Variants in TTC8 observed in about 807,000 individuals in gnomAD.
The protein encoded by TTC8 is tetratricopeptide repeat protein 8.
TTC8 carries 47 observed loss-of-function variants against 72.5 expected under a neutral mutation model. The ratio of observed to expected loss-of-function variants is 0.65; its 90% CI spans 0.51 to 0.83. The LOEUF (loss-of-function observed/expected upper bound fraction) is 0.83. TTC8 is among the 40% of genes least tolerant of loss of function. TTC8 has a pLI of 0.00. For synonymous variants in TTC8, 199 were observed against 221.4 expected, an observed-to-expected ratio of 0.90 and a Z score of 0.90; for missense variants, 611 against 623.2, an observed-to-expected ratio of 0.98 and a Z score of 0.21.
At chr14:88,840,054 C>T (rs543975182) in intron 3 of TTC8, 1 of 170,242 alleles carries the variant, frequency 5.9e-6, no homozygotes, top group South Asian at 1.4e-4. Flanking sequence ...TGCTCTAAAT[C>T]ATAATGTGAG....
At chr14:88,846,938 A>G (rs1304618203) in intron 7 of TTC8, 1 of 243,626 alleles carries the variant, frequency 4.1e-6, no homozygotes, top group Non-Finnish European at 7.8e-6. Context: ...CAGGGCTAGC[A>G]AACTTAGAAC....
rs777572586 is a variant in TTC8 at position 88,841,522 on chromosome 14, C to G, written c.579+8C>G. 6 of 1,600,900 alleles carry G rather than the reference C, an allele frequency of 3.7e-6. No individual in the cohort carries two copies. Among genetic ancestry groups the G allele is most frequent in the East Asian group, 2.2e-5 (1 of 44,708 alleles). Reference sequence around the variant, plus strand: ...AAACCTAAGTTGGCAAAGGTATGTACTTAAAATGATTTTGAGTTATGAAGT... The same window carrying G: ...AAACCTAAGTTGGCAAAGGTATGTAGTTAAAATGATTTTGAGTTATGAAGT... On this transcript the variant is annotated splice_region_variant and intron_variant, in intron 6 of 14. Coordinates refer to ENST00000380656, the MANE Select transcript of TTC8 (RefSeq NM_144596.4).
intron 7 of TTC8, among the ~76,000 whole-genome samples, chr14:88,847,719 G>A (rs1422394124): frequency 1.3e-5 from 2 of 152,142 alleles, no homozygotes; most frequent in South Asian, 4.1e-4. Context: ...ATGCATATGT[G>A]TAATCTCTAT....
chr14:88,854,272 G>A (rs1424924443), intron 8 of TTC8, among the ~76,000 whole-genome samples: 3 of 152,100 alleles, frequency 2.0e-5, no homozygotes, highest in Admixed American at 6.5e-5. Context: ...ATCCATATAC[G>A]ATGGCATTTA....
At chr14:88,852,595 C>T (rs371070651) in intron 7 of TTC8, among the ~76,000 whole-genome samples, 2 of 152,022 alleles carry the variant, frequency 1.3e-5, no homozygotes, top group African/African-American at 4.8e-5. Context: ...GCTTACACAC[C>T]GAAGACTTGA....
chr14:88,847,507 C>T (rs1459045280), intron 7 of TTC8, among the ~76,000 whole-genome samples: 1 of 152,028 alleles, frequency 6.6e-6, no homozygotes, highest in East Asian at 1.9e-4. Context: ...CTTAAAACAC[C>T]AAAACCAAGC....
intron 10 of TTC8, among the ~76,000 whole-genome samples, chr14:88,866,068 A>T: frequency 6.6e-6 from 1 of 152,288 alleles, no homozygotes; most frequent in East Asian, 1.9e-4. Flanking sequence ...TTAAAACTTC[A>T]AAAAATGATA....
chr14:88,861,045 C>A (rs1429778240), intron 9 of TTC8, among the ~76,000 whole-genome samples, 177 bp from the exon 10 acceptor site: 1 of 152,064 alleles, frequency 6.6e-6, no homozygotes, highest in Admixed American at 6.6e-5. Context: ...CTCAAGTGGT[C>A]CACCCACCTC....
chr14:88,824,532 C>T (rs1393496876), upstream of TTC8: 10 of 599,700 alleles, frequency 1.7e-5, no homozygotes, highest in Admixed American at 5.8e-5. Flanking sequence ...AGCCCTGTAG[C>T]CGAGTTCTGC....
At chr14:88,824,936 G>A in intron 1 of TTC8, 115 bp downstream of exon 1, 2 of 1,037,026 alleles carry the variant, frequency 1.9e-6, no homozygotes, top group East Asian at 2.6e-5. Flanking sequence ...GGGGCTGACC[G>A]TTCGGCCCTC....
downstream of TTC8, chr14:88,879,263 A>G (rs527862728): frequency 6.6e-6 from 1 of 152,276 alleles, no homozygotes; most frequent in South Asian, 2.1e-4. Flanking sequence ...TCTTTGTAAC[A>G]ACATTTCCTA....
chr14:88,864,845 C>A (rs753510132), intron 10 of TTC8, among the ~76,000 whole-genome samples: 1 of 152,150 alleles, frequency 6.6e-6, no homozygotes, highest in Non-Finnish European at 1.5e-5. Flanking sequence ...CAATAGATGT[C>A]CAGTTAATCA....
intron 10 of TTC8, among the ~76,000 whole-genome samples, chr14:88,869,336 A>G (rs2094923849): frequency 6.6e-6 from 1 of 152,118 alleles, no homozygotes; most frequent in African/African-American, 2.4e-5. Flanking sequence ...TTTTGTATGT[A>G]TTTCTAAGCT....
In TTC8 at chr14:88,857,200, T is replaced by C. The variant is rs1226667160; in HGVS notation, c.721T>C (p.Tyr241His). Residue 241 changes from tyrosine to histidine, a missense_variant, in exon 9 of 15, where the codon TAT (tyrosine) becomes CAT (histidine). Tyr to His is a moderately conservative substitution (Grantham distance 83). Coordinates refer to ENST00000380656, the MANE Select transcript of TTC8 (RefSeq NM_144596.4). ...IGKCYYRLGM[Y>H]REAEKQFKSA... Reference sequence around the variant, plus strand: ...AATTGCTATTTGTAGGTTGGGAATGTATCGTGAAGCAGAAAAACAGTTTAA... The same window carrying C: ...AATTGCTATTTGTAGGTTGGGAATGCATCGTGAAGCAGAAAAACAGTTTAA... 1 of 1,613,886 alleles carries C rather than the reference T, an allele frequency of 6.2e-7. No homozygotes were observed. The highest frequency in any genetic ancestry group is 1.1e-5 in the South Asian group (1 of 91,078).
intron 2 of TTC8, among the ~76,000 whole-genome samples, chr14:88,838,151 A>G (rs543520500): frequency 1.2e-4 from 18 of 152,304 alleles, no homozygotes; most frequent in African/African-American, 4.1e-4. Flanking sequence ...TTTTAAAAAA[A>G]TGTTCATAGA....
chr14:88,855,806 T>G (rs935966641), intron 8 of TTC8, among the ~76,000 whole-genome samples: 14 of 152,116 alleles, frequency 9.2e-5, no homozygotes, highest in Non-Finnish European at 1.6e-4. Context: ...CATGGCCAGG[T>G]GCGGTGGCTC....
chr14:88,852,937 G>T, intron 7 of TTC8, 34 bp from the exon 8 acceptor site: 1 of 1,566,692 alleles, frequency 6.4e-7, no homozygotes, highest in Non-Finnish European at 8.8e-7. Context: ...TGTTAGAAAA[G>T]AAAATACTAA....
At position 88,862,541 on chromosome 14, in the gene TTC8, CAT is replaced by C. The variant is rs71130022; in HGVS notation, c.909+1264_909+1265del. Among the ~76,000 whole-genome samples, 219 of 23,730 alleles carry C rather than the reference CAT, an allele frequency of 9.2e-3. 2 individuals are homozygous for C. Among genetic ancestry groups the C allele is most frequent in the Non-Finnish European group, 0.011 (135 of 12,180 alleles). The allele number at this position is 23,730 out of a possible 152,430, so 15.6% of individuals were successfully genotyped here. On this transcript the variant is annotated intron_variant, in intron 10 of 14. Coordinates refer to ENST00000380656, the MANE Select transcript of TTC8 (RefSeq NM_144596.4). Reference sequence around the variant, plus strand: ...ATTCCATTCTCTCTCTCTCTCTCTCCATATATATATATATATATATATATATA... The same window carrying C: ...ATTCCATTCTCTCTCTCTCTCTCTCCATATATATATATATATATATATATA...
At chr14:88,833,614 A>G in intron 1 of TTC8, 79 bp from the exon 2 acceptor site, 1 of 1,271,140 alleles carries the variant, frequency 7.9e-7, no homozygotes, top group Non-Finnish European at 1.1e-6. Flanking sequence ...ACCTACAAAT[A>G]CTTGGTTGGT....
Sources: gnomAD v4.1 joint callset for allele counts (sites outside exome capture counted in the v4.1 genomes callset) on GRCh38, gnomAD v4.1.1 for gene constraint, MANE v1.5 for transcripts, NCBI Gene and HGNC (gene_info 2026-07-23, HGNC 2026-07-21) for gene names.